TNXB: variants seen among roughly 807,000 people sequenced by gnomAD.
TNXB encodes tenascin XB.
A neutral mutation model predicts 340.5 loss-of-function variants in TNXB; 183 were observed. The ratio of observed to expected loss-of-function variants is 0.54; its 90% CI spans 0.48 to 0.61. The LOEUF (loss-of-function observed/expected upper bound fraction) is 0.61. Among genes scored for constraint, TNXB ranks in the 20% least tolerant of loss-of-function variants. The pLI is 0.00. For missense variants in TNXB, 4,613 were observed against 5,446.4 expected (o/e 0.85, Z 4.82); for synonymous variants, 2,121 against 2,314.5 (o/e 0.92, Z 2.40).
rs1777795776 is a variant in TNXB, at chr6:32,058,245, C to G, written c.7638G>C (p.Gln2546His). Reference sequence around the variant, plus strand: ...GCACGGTGAAGGAGTCAAAGCGGCCCTGGGGGACGGTCCAGGAAAGGCTCA... The same window carrying G: ...GCACGGTGAAGGAGTCAAAGCGGCCGTGGGGGACGGTCCAGGAAAGGCTCA... ...DSLSLSWTVP[Q>H]GRFDSFTVQY... Residue 2546 changes from glutamine to histidine, a missense_variant, in exon 22 of 44, where the codon CAG becomes CAC. Coordinates refer to ENST00000644971, the MANE Select transcript of TNXB (RefSeq NM_001365276.2). The surrounding 1 kb of genome is among the most constrained non-coding windows in gnomAD (Gnocchi z 5.1). 1 of 1,612,382 alleles carries G rather than the reference C, an allele frequency of 6.2e-7. No individual in the cohort carries two copies. Among genetic ancestry groups the G allele is most frequent in the Admixed American group, 1.7e-5 (1 of 60,002 alleles).
At chr6:32,060,135 G>C (rs1562811120) in intron 21 of TNXB, among the ~76,000 whole-genome samples, 1 of 151,870 alleles carries the variant, frequency 6.6e-6, no homozygotes, top group African/African-American at 2.4e-5. Context: ...AGGAGTTTGA[G>C]CAGCCTGACC....
rs1404360124 is a variant in TNXB, at chr6:32,069,100, G to A, written c.5624C>T (p.Pro1875Leu). The A allele has an allele frequency of 1.2e-5, 19 of 1,611,290 alleles. No homozygotes were observed. Among genetic ancestry groups the A allele is most frequent in the African/African-American group, 4.0e-5 (3 of 75,018 alleles). Residue 1875 changes from proline to leucine, a missense_variant, in exon 16 of 44, where the codon CCG (proline) becomes CTG (leucine). By Grantham distance (98) the Pro-to-Leu change is moderately conservative. Coordinates refer to ENST00000644971, the MANE Select transcript of TNXB (RefSeq NM_001365276.2). The surrounding 1 kb of genome is among the most constrained non-coding windows in gnomAD (Gnocchi z 6.2). Reference sequence around the variant, plus strand: ...GTGGGGCTCAGGCGCTGGAGGGGTCGGGGCCGTGGTCTCAGTTTCCGTTTC... The same window carrying A: ...GTGGGGCTCAGGCGCTGGAGGGGTCAGGGCCGTGGTCTCAGTTTCCGTTTC... The part of the protein sequence containing the change: ...REETETETTA[P>L]TPPAPEPHLG...
In TNXB at chr6:32,089,395, C is replaced by T. The variant is rs568689832; in HGVS notation, c.2359-16G>A. The T allele has an allele frequency of 8.8e-6, 14 of 1,598,716 alleles. No individual in the cohort carries two copies. The East Asian group carries it at 1.1e-4, about 13-fold the overall frequency. Reference sequence around the variant, plus strand: ...CCCCCTCTGTCTGTGAGAGAGAGCACCAGGTGGCTCAGGGGCTGGCACTCT... The same window carrying T: ...CCCCCTCTGTCTGTGAGAGAGAGCATCAGGTGGCTCAGGGGCTGGCACTCT... On this transcript the variant is annotated splice_polypyrimidine_tract_variant and intron_variant, in intron 4 of 43. Transcript: ENST00000644971. The surrounding 1 kb of genome is among the most constrained non-coding windows in gnomAD (Gnocchi z 6.2).
intron 25 of TNXB, among the ~76,000 whole-genome samples, 180 bp from the exon 26 acceptor site, chr6:32,053,173 G>A (rs1240100926): frequency 2.6e-5 from 4 of 152,128 alleles, no homozygotes; most frequent in Non-Finnish European, 5.9e-5. Flanking sequence ...CAAGCTCTGA[G>A]GTCAGTGCTG....
rs1416251743 is a variant in TNXB, at chr6:32,080,861, C to A, written c.4042+507G>T. On this transcript the variant is annotated intron_variant, in intron 10 of 43. Transcript: ENST00000644971. The surrounding 1 kb of genome is among the most constrained non-coding windows in gnomAD (Gnocchi z 4.3). ...GGGCTGGGAGTCAAGGAGTCGGGAG[C>A]TGAGAGGAGTCCTCTTCATGCTGCA... Among the ~76,000 whole-genome samples the A allele has an allele frequency of 6.6e-6, 1 of 152,154 alleles. No individual in the cohort carries two copies. Among genetic ancestry groups the A allele is most frequent in the African/African-American group, 2.4e-5 (1 of 41,428 alleles).
Position 32,087,944 on chromosome 6 carries a change from G to C in TNXB, c.2779+841C>G, listed in dbSNP as rs1308937443. 9.6e-6 allele frequency: 3 copies of C among 313,776 alleles called. No individual in the cohort carries two copies. The highest frequency in any genetic ancestry group is 1.9e-5 in the Non-Finnish European group (3 of 161,802). The allele number at this position is 313,776 out of a possible 1,614,324, so 19.4% of individuals were successfully genotyped here. ...GGGGCTGGCCGGGGCCGGGACTTGG[G>C]GGGCGGGGCTGGGGGGCGCACCTCC... On this transcript the variant is annotated intron_variant, in intron 6 of 43. Coordinates refer to ENST00000644971, the MANE Select transcript of TNXB (RefSeq NM_001365276.2). The surrounding 1 kb of genome is among the most constrained non-coding windows in gnomAD (Gnocchi z 9.0).
In TNXB at chr6:32,096,995, C is replaced by G; in HGVS notation, c.858G>C (p.Gln286His). ...GMRSCPRGCS[Q>H]RGRCENGRCV... is the part of the protein sequence containing the mutation. ...AGCGCCCATTCTCACAGCGCCCCCTCTGACTGCAACCGCGAGGGCAGCTCC... is the reference window on the plus strand; with the variant it reads ...AGCGCCCATTCTCACAGCGCCCCCTGTGACTGCAACCGCGAGGGCAGCTCC... The change falls in exon 3 of 44, where the codon CAG (glutamine) becomes CAC (histidine). Residue 286 changes from glutamine to histidine, a missense_variant. By Grantham distance (24) the Gln-to-His change is conservative. This residue lies in a region of TNXB where 4,327 missense variants were observed against 4,859.4 expected (regional missense o/e 0.89). Transcript: ENST00000644971. 1 of 1,613,004 alleles carries G rather than the reference C, an allele frequency of 6.2e-7. No homozygotes were observed. Among genetic ancestry groups the G allele is most frequent in the Non-Finnish European group, 8.5e-7 (1 of 1,179,444 alleles).
At chr6:32,042,855 CA>C in intron 38 of TNXB, 24 bp from the exon 39 acceptor site, 1 of 480,616 alleles carries the variant, frequency 2.1e-6, no homozygotes, top group South Asian at 2.0e-5. Context: ...AAGGGGGGGT[CA>C]GGGGAGAGGG....
At position 32,070,294 on chromosome 6, in the gene TNXB, A is replaced by G; in HGVS notation, c.5111T>C (p.Phe1704Ser). The change falls in exon 14 of 44, where the codon TTT (phenylalanine) becomes TCT (serine). Residue 1704 changes from phenylalanine to serine, a missense_variant. Phe to Ser is a radical substitution (Grantham distance 155). This residue lies in a region of TNXB where 4,327 missense variants were observed against 4,859.4 expected (regional missense o/e 0.89). Transcript: ENST00000644971. The surrounding 1 kb of genome is among the most constrained non-coding windows in gnomAD (Gnocchi z 6.0). ...GTCTTTGTCCTTGAACTGGACCACA[A>G]AAGAGTCGAACTGGCCCTCAGGAAC... ...WTVPEGQFDS[F>S]VVQFKDKDGP... 1.9e-6 allele frequency: 3 copies of G among 1,613,080 alleles called. No individual in the cohort carries two copies. The highest frequency in any genetic ancestry group is 1.1e-5 in the South Asian group (1 of 90,940).
rs548190378 is a variant in TNXB at position 32,046,343 on chromosome 6, C to T, written c.10438G>A (p.Val3480Met). The T allele has an allele frequency of 1.9e-5, 30 of 1,605,426 alleles. No individual in the cohort carries two copies. The highest frequency in any genetic ancestry group is 1.7e-4 in the Middle Eastern group (1 of 6,052). The change falls in exon 31 of 44, where the codon GTG (valine) becomes ATG (methionine). Residue 3480 changes from valine to methionine, a missense_variant. Transcript: ENST00000644971. The surrounding 1 kb of genome is among the most constrained non-coding windows in gnomAD (Gnocchi z 6.9). ...TVAQGPFDSF[V>M]VQYRDTDGQP... ...CCGTCCGTGTCCCTGTACTGGACCA[C>T]GAAGGAGTCAAAGGGGCCCTGGGCT...
At chr6:32,099,928 C>T (rs1780623330) in intron 1 of TNXB, among the ~76,000 whole-genome samples, 1 of 103,032 alleles carries the variant, frequency 9.7e-6, no homozygotes, top group Admixed American at 1.2e-4. Flanking sequence ...GGTGCTGGGT[C>T]AATCCAACAT....
chr6:32,096,585 G>A lies in TNXB; in HGVS notation c.1268C>T (p.Pro423Leu), dbSNP rs751586423. 1.4e-5 allele frequency: 23 copies of A among 1,592,668 alleles called. No individual in the cohort carries two copies. The South Asian group carries it at 1.7e-4, about 12-fold the overall frequency. Reference sequence around the variant, plus strand: ...GCCGCAATCGGTTCCAGTGTACCCCGGCCAGCACACGCAGCGGCCGTCCTC... The same window carrying A: ...GCCGCAATCGGTTCCAGTGTACCCCAGCCAGCACACGCAGCGGCCGTCCTC... Reference protein sequence around the residue: ...RCEDGRCVCWPGYTGTDCGSR... With the variant: ...RCEDGRCVCWLGYTGTDCGSR... Residue 423 changes from proline to leucine, a missense_variant, in exon 3 of 44, where the codon CCG becomes CTG. Physicochemically the swap from Pro to Leu is moderately conservative, Grantham distance 98. This residue lies in a region of TNXB where 4,327 missense variants were observed against 4,859.4 expected (regional missense o/e 0.89). Transcript: ENST00000644971.
chr6:32,043,947 T>C, intron 34 of TNXB, 55 bp from the exon 35 acceptor site: 2 of 1,610,418 alleles, frequency 1.2e-6, no homozygotes, highest in South Asian at 1.1e-5. Flanking sequence ...AGCTGGAGGG[T>C]GGGCAGAGTG....
intron 18 of TNXB, among the ~76,000 whole-genome samples, chr6:32,065,728 C>T (rs1039859874): frequency 1.3e-5 from 2 of 152,162 alleles, no homozygotes; most frequent in Non-Finnish European, 2.9e-5. Flanking sequence ...CAAGCAATTT[C>T]TTGTGCCTCA....
rs534135812 is a variant in TNXB at position 32,067,918 on chromosome 6, G to T, written c.6287C>A (p.Pro2096Gln). The change falls in exon 18 of 44, where the codon CCG becomes CAG. Residue 2096 changes from proline to glutamine, a missense_variant. Pro to Gln is a moderately conservative substitution (Grantham distance 76). Transcript: ENST00000644971. The surrounding 1 kb of genome is among the most constrained non-coding windows in gnomAD (Gnocchi z 4.2). ...SMEAPEPAEE[P>Q]LLGELTVTGS... ...TGTCACTGTTAGCTCCCCCAGGAGC[G>T]GCTCCTCAGCGGGCTCCGGGGCCTC... The T allele has an allele frequency of 1.1e-4, 177 of 1,612,492 alleles. No individual in the cohort carries two copies. Among genetic ancestry groups the T allele is most frequent in the Non-Finnish European group, 1.4e-4 (166 of 1,179,882 alleles).
chr6:32,098,775 C>T (rs1284449857), intron 1 of TNXB, among the ~76,000 whole-genome samples: 1 of 141,358 alleles, frequency 7.1e-6, no homozygotes, highest in Non-Finnish European at 1.6e-5. Flanking sequence ...CCACCGCACC[C>T]GGCTCTACAC....
rs958572602 is a variant in TNXB at position 32,081,280 on chromosome 6, G to C, written c.4042+88C>G. Reference sequence around the variant, plus strand: ...TGGCAAAATGAGCTGAGAAGGCGAAGATGGAGGGAGGCTGGAAGGAGCCCC... The same window carrying C: ...TGGCAAAATGAGCTGAGAAGGCGAACATGGAGGGAGGCTGGAAGGAGCCCC... On this transcript the variant is annotated intron_variant, in intron 10 of 43. Coordinates refer to ENST00000644971, the MANE Select transcript of TNXB (RefSeq NM_001365276.2). This position sits in a 1 kb window ranked among gnomAD's most constrained non-coding sequence, Gnocchi z 5.1. 8 of 1,346,984 alleles carry C rather than the reference G, an allele frequency of 5.9e-6. No individual in the cohort carries two copies. The African/African-American group carries it at 1.0e-4, about 17-fold the overall frequency. The allele number at this position is 1,346,984 out of a possible 1,614,324, so 83.4% of individuals were successfully genotyped here. A position where few individuals can be genotyped will look rare whatever the true frequency, so the allele number is the denominator to read the frequency against.
chr6:32,047,086 GC>G lies in TNXB; in HGVS notation c.10325-631del, dbSNP rs1339347318. On this transcript the variant is annotated intron_variant, in intron 30 of 43. Coordinates refer to ENST00000644971, the MANE Select transcript of TNXB (RefSeq NM_001365276.2). This position sits in a 1 kb window ranked among gnomAD's most constrained non-coding sequence, Gnocchi z 6.2. ...CAGAGCAGAGGCTTGCCCGGGTGGG[GC>G]TGGGGCCGATGGGTGGGGATCTGTA... Among the ~76,000 whole-genome samples the G allele has an allele frequency of 6.6e-6, 1 of 152,262 alleles. No individual in the cohort carries two copies. The highest frequency in any genetic ancestry group is 2.4e-5 in the African/African-American group (1 of 41,470).
rs1779042483 is a variant in TNXB, at chr6:32,075,653, T to G, written c.4376-1701A>C. ...CCCTCTCCACTAGAATGTGAGCTCC[T>G]CAGGCAGGAGCTCTGCTTTATTCAC... On this transcript the variant is annotated intron_variant, in intron 11 of 43. Coordinates refer to ENST00000644971, the MANE Select transcript of TNXB (RefSeq NM_001365276.2). The surrounding 1 kb of genome is among the most constrained non-coding windows in gnomAD (Gnocchi z 4.6). Among the ~76,000 whole-genome samples, 1 of 152,230 alleles carries G rather than the reference T, an allele frequency of 6.6e-6. No homozygotes were observed. Among genetic ancestry groups the G allele is most frequent in the Non-Finnish European group, 1.5e-5 (1 of 68,040 alleles).
Sources: allele counts gnomAD v4.1 joint callset (sites outside exome capture counted in the v4.1 genomes callset), GRCh38; gene constraint gnomAD v4.1.1; regional missense constraint gnomAD v4.1.1; non-coding constraint Gnocchi (gnomAD v3.1); transcripts MANE v1.5; gene names NCBI Gene and HGNC (gene_info 2026-07-23, HGNC 2026-07-21).